Variants in NRXN3 observed in about 807,000 individuals in gnomAD.
NRXN3 encodes the protein neurexin III.
A neutral mutation model predicts 137.6 loss-of-function variants in NRXN3; 32 were observed. That is an observed-to-expected ratio of 0.23 (90% CI 0.18 to 0.31). NRXN3 has a LOEUF of 0.31. NRXN3 is among the 10% of genes least tolerant of loss of function. The pLI is 1.00. For missense variants in NRXN3, 1,574 were observed against 2,062.5 expected, an observed-to-expected ratio of 0.76 and a Z score of 4.59; for synonymous variants, 798 against 784.5, an observed-to-expected ratio of 1.02 and a Z score of -0.29.
chr14:79,807,153 G>C (rs1352962978), intron 20 of NRXN3, among the ~76,000 whole-genome samples: 1 of 150,630 alleles, frequency 6.6e-6, no homozygotes, highest in Non-Finnish European at 1.5e-5. Context: ...GTTTTATTTT[G>C]TGTACAAATG....
At chr14:78,528,826 G>A (rs1346141862) in intron 4 of NRXN3, among the ~76,000 whole-genome samples, 1 of 151,990 alleles carries the variant, frequency 6.6e-6, no homozygotes, top group African/African-American at 2.4e-5. Context: ...TCATTTTTGT[G>A]TTTTAAATGT....
chr14:78,746,527 A>T (rs530350767), intron 8 of NRXN3, among the ~76,000 whole-genome samples: 1 of 152,320 alleles, frequency 6.6e-6, no homozygotes, highest in South Asian at 2.1e-4. Flanking sequence ...AGCCCACTCG[A>T]GTGTCTTGAT....
chr14:79,077,201 A>C (rs1264887108), intron 15 of NRXN3, among the ~76,000 whole-genome samples: 2 of 152,186 alleles, frequency 1.3e-5, no homozygotes, highest in African/African-American at 4.8e-5. Context: ...GCTGTTGCCA[A>C]TCTTCCACAG....
Position 79,865,358 on chromosome 14 carries a change from G to A in NRXN3, c.*3394G>A, listed in dbSNP as rs2099417673. ...CGTTCTCTCAGCACACACTTACTTG[G>A]CCAATTGGATAATCCATCTACCCTT... On this transcript the variant is annotated 3_prime_UTR_variant, in exon 21 of 21. Coordinates refer to ENST00000335750, the MANE Select transcript of NRXN3 (RefSeq NM_001330195.2). 6.6e-6 allele frequency: 1 copy of A among 152,070 alleles called. No homozygotes were observed. The highest frequency in any genetic ancestry group is 6.5e-5 in the Admixed American group (1 of 15,272). 9.4% of individuals were successfully genotyped at this position (152,070 alleles called of 1,614,324 possible).
intron 16 of NRXN3, among the ~76,000 whole-genome samples, chr14:79,504,626 A>G (rs1385699169): frequency 1.8e-5 from 2 of 112,898 alleles, no homozygotes; most frequent in Non-Finnish European, 3.6e-5. Flanking sequence ...AACTTCCATT[A>G]TAAAATGAAG....
At chr14:78,943,610 TAAAAAAAA>T (rs754141401) in intron 10 of NRXN3, among the ~76,000 whole-genome samples, 559 of 28,658 alleles carry the variant, frequency 0.02, 10 homozygotes, top group South Asian at 0.077. Flanking sequence ...AGATCACTGT[TAAAAAAAA>T]AAAATATATA....
In NRXN3 at chr14:78,628,071, C is replaced by CTTT. The variant is rs58835983; in HGVS notation, c.758-17034_758-17032dup. On this transcript the variant is annotated intron_variant, in intron 4 of 20. Coordinates refer to ENST00000335750, the MANE Select transcript of NRXN3 (RefSeq NM_001330195.2). ...GATAATACCATAGCATTGCAGAGTT[C>CTTT]TTTTTTTTTTTTTTTTTAAGAGACC... Among the ~76,000 whole-genome samples the CTTT allele has an allele frequency of 4.1e-4, 55 of 134,054 alleles. 1 individual carries two copies. The highest frequency in any genetic ancestry group is 3.0e-3 in the Admixed American group (40 of 13,266). 87.9% of individuals were successfully genotyped at this position (134,054 alleles called of 152,430 possible). A position where few individuals can be genotyped will look rare whatever the true frequency, so the allele number is the denominator to read the frequency against.
At chr14:79,447,116 A>G (rs1018728352) in intron 15 of NRXN3, among the ~76,000 whole-genome samples, 9 of 152,238 alleles carry the variant, frequency 5.9e-5, no homozygotes, top group Non-Finnish European at 1.0e-4. Context: ...ATTGTGGAGA[A>G]ATAATAGCAA....
chr14:78,519,405 T>C (rs144696356), intron 4 of NRXN3, among the ~76,000 whole-genome samples: 61 of 152,294 alleles, frequency 4.0e-4, no homozygotes, highest in African/African-American at 1.4e-3. Flanking sequence ...TTTTATTCCA[T>C]TCCATGGATA....
chr14:78,520,194 T>C (rs1344761976), intron 4 of NRXN3, among the ~76,000 whole-genome samples: 1 of 152,186 alleles, frequency 6.6e-6, no homozygotes, highest in African/African-American at 2.4e-5. Flanking sequence ...TTGCCTTGGA[T>C]ACTACCTGTC....
At chr14:78,271,616 GT>G (rs2072764255) in intron 2 of NRXN3, among the ~76,000 whole-genome samples, 1 of 152,204 alleles carries the variant, frequency 6.6e-6, no homozygotes, top group Non-Finnish European at 1.5e-5. Context: ...CCCTGAAGGT[GT>G]TTGAGTACAG....
intron 4 of NRXN3, among the ~76,000 whole-genome samples, chr14:78,382,703 G>A (rs1374006346): frequency 6.6e-6 from 1 of 152,122 alleles, no homozygotes; most frequent in Non-Finnish European, 1.5e-5. Flanking sequence ...ATGGCTACTG[G>A]CACCTATTCC....
chr14:78,752,874 G>A (rs149941704), intron 8 of NRXN3, among the ~76,000 whole-genome samples: 219 of 152,278 alleles, frequency 1.4e-3, no homozygotes, highest in African/African-American at 5.0e-3. Flanking sequence ...GGAAGCTGAT[G>A]AATTTTTAAC....
intron 15 of NRXN3, among the ~76,000 whole-genome samples, chr14:79,370,490 GT>G: frequency 6.6e-6 from 1 of 151,496 alleles, no homozygotes; most frequent in East Asian, 2.0e-4. Context: ...GGCTAATTTT[GT>G]TTTTTTAGTA....
intron 3 of NRXN3, 122 bp downstream of exon 3, chr14:78,278,784 C>G: frequency 1.3e-6 from 1 of 782,316 alleles, no homozygotes; most frequent in Non-Finnish European, 2.1e-6. Flanking sequence ...TTTCACTGAT[C>G]TAGGTTTAGA....
intron 15 of NRXN3, among the ~76,000 whole-genome samples, chr14:78,992,370 T>C (rs2099520696): frequency 1.3e-5 from 2 of 152,188 alleles, no homozygotes; most frequent in Admixed American, 6.5e-5. Flanking sequence ...ATCAACTTAA[T>C]GAAAGCTGTC....
At chr14:79,358,607 G>GAGAAAGAAAGAAGGAAAGAAAGAAAGAA (rs1555397490) in intron 15 of NRXN3, among the ~76,000 whole-genome samples, 13 of 79,984 alleles carry the variant, frequency 1.6e-4, no homozygotes, top group African/African-American at 4.6e-4. Flanking sequence ...AAGAAAGAAA[G>GAGAAAGAAAGAAGGAAAGAAAGAAAGAA]AGAAAGAAAG....
intron 19 of NRXN3, among the ~76,000 whole-genome samples, chr14:79,777,818 TA>T (rs540266808): frequency 7.5e-4 from 112 of 149,744 alleles, no homozygotes; most frequent in Non-Finnish European, 1.2e-3. Context: ...ATTGACAATA[TA>T]AAAAAAAATT....
At chr14:78,268,008 G>A (rs984431575) in intron 2 of NRXN3, among the ~76,000 whole-genome samples, 4 of 152,170 alleles carry the variant, frequency 2.6e-5, no homozygotes, top group Non-Finnish European at 4.4e-5. Flanking sequence ...GAGGATAAAG[G>A]CTTGTGGTAA....
Sources: allele counts gnomAD v4.1 joint callset (sites outside exome capture counted in the v4.1 genomes callset), GRCh38; gene constraint gnomAD v4.1.1; transcripts MANE v1.5; gene names NCBI Gene and HGNC (gene_info 2026-07-23, HGNC 2026-07-21).